Variants in RRM2B observed in about 807,000 individuals in gnomAD.
RRM2B encodes ribonucleotide reductase regulatory TP53 inducible subunit M2B.
RRM2B carries 20 observed loss-of-function variants against 45.9 expected under a neutral mutation model. The ratio of observed to expected loss-of-function variants is 0.44; its 90% confidence interval spans 0.31 to 0.63. The LOEUF is 0.63. RRM2B is among the 30% of genes least tolerant of loss of function. The probability of loss-of-function intolerance (pLI) is 0.09; values close to 1 mark genes in which losing one functional copy is unlikely to be tolerated. For synonymous variants in RRM2B, 124 were observed against 132.3 expected, an observed-to-expected ratio of 0.94 and a Z score of 0.43; for missense variants, 320 against 414.7, an observed-to-expected ratio of 0.77 and a Z score of 1.98.
chr8:102,205,556 ATT>A lies in RRM2B; in HGVS notation c.*2575_*2576del, dbSNP rs1369790245. ...GTCTTCTCAAGTCCTTCCTGGCCATATTTCTATGTGATACAATGAAACATTTT... is the reference window on the plus strand; with the variant it reads ...GTCTTCTCAAGTCCTTCCTGGCCATATCTATGTGATACAATGAAACATTTT... On this transcript the variant is annotated 3_prime_UTR_variant, in exon 9 of 9. Coordinates refer to ENST00000251810, the MANE Select transcript of RRM2B (RefSeq NM_015713.5). The A allele has an allele frequency of 6.6e-6, 1 of 152,168 alleles. No individual in the cohort carries two copies. Among genetic ancestry groups the A allele is most frequent in the East Asian group, 1.9e-4 (1 of 5,208 alleles). 9.4% of individuals were successfully genotyped at this position (152,168 alleles called of 1,614,324 possible). A position where few individuals can be genotyped will look rare whatever the true frequency, so the allele number is the denominator to read the frequency against.
At chr8:102,237,142 C>G (rs1811135207) in intron 1 of RRM2B, among the ~76,000 whole-genome samples, 1 of 152,216 alleles carries the variant, frequency 6.6e-6, no homozygotes, top group South Asian at 2.1e-4. Context: ...CTACTGAGTC[C>G]TGGGCATGCC....
At position 102,213,676 on chromosome 8, in the gene RRM2B, C is replaced by A. The variant is rs568874976; in HGVS notation, c.789+378G>T. Among the ~76,000 whole-genome samples the A allele has an allele frequency of 5.7e-4, 87 of 151,830 alleles. No individual in the cohort carries two copies. In the South Asian group the frequency reaches 5.8e-3, roughly 10 times the overall value. On this transcript the variant is annotated intron_variant, in intron 7 of 8. Transcript: ENST00000251810. ...ATTTGTGTATGCTTCAAGCTAGGTA[C>A]CTTGCTACGTTATTAAAAATACAAA...
At chr8:102,221,559 C>T (rs1320835986) in intron 5 of RRM2B, among the ~76,000 whole-genome samples, 1 of 152,156 alleles carries the variant, frequency 6.6e-6, no homozygotes, top group Non-Finnish European at 1.5e-5. Context: ...ATGCACTCTT[C>T]ACTCTTTCCT....
At chr8:102,225,228 CTTTTTT>C (rs918693739) in intron 3 of RRM2B, among the ~76,000 whole-genome samples, 2 of 87,510 alleles carry the variant, frequency 2.3e-5, no homozygotes, top group Admixed American at 2.9e-4. Flanking sequence ...ATAGTATATT[CTTTTTT>C]TTTTTTTTTT....
chr8:102,226,565 A>T lies in RRM2B; in HGVS notation c.205-531T>A, dbSNP rs536759063. ...AGGCACTGAAGTAAATAAACTAATG[A>T]ATCTCAACAGTCACTGCTTTAACAT... is the stretch of plus-strand genomic sequence containing the variant. On this transcript the variant is annotated intron_variant, in intron 2 of 8. Transcript: ENST00000251810. Among the ~76,000 whole-genome samples, 3 of 152,274 alleles carry T rather than the reference A, an allele frequency of 2.0e-5. No individual in the cohort carries two copies. In the South Asian group the frequency reaches 6.2e-4, roughly 32 times the overall value.
rs753541450 is a variant in RRM2B, at chr8:102,208,232, T to C, written c.957A>G (p.Gly319=). 7.5e-6 allele frequency: 12 copies of C among 1,601,520 alleles called. No individual in the cohort carries two copies. Among genetic ancestry groups the C allele is most frequent in the Non-Finnish European group, 1.0e-5 (12 of 1,169,156 alleles). ...FDFMENISLE[G]KTNFFEKRVS... is the part of the protein sequence containing the mutation. The stretch of plus-strand genomic sequence containing the variant: ...CTCGTTTCTCAAAGAAATTTGTTTT[T>C]CCTTCTAAAGAAATGTTTTCCATAA... Residue 319 remains glycine, a synonymous_variant, in exon 9 of 9, where the codon GGA becomes GGG. Transcript: ENST00000251810.
At chr8:102,220,437 T>C (rs28928587) in intron 5 of RRM2B, among the ~76,000 whole-genome samples, 1 of 152,298 alleles carries the variant, frequency 6.6e-6, no homozygotes, top group Non-Finnish European at 1.5e-5. Flanking sequence ...AAAATTGATA[T>C]TTTAATTTTT....
intron 8 of RRM2B, among the ~76,000 whole-genome samples, chr8:102,209,181 A>T (rs1042664838): frequency 2.0e-5 from 3 of 152,162 alleles, no homozygotes; most frequent in Non-Finnish European, 4.4e-5. Context: ...GCAGACTTGG[A>T]GATACAGCTT....
At chr8:102,223,618 C>T (rs1296293552) in intron 5 of RRM2B, among the ~76,000 whole-genome samples, 3 of 147,260 alleles carry the variant, frequency 2.0e-5, no homozygotes, top group Non-Finnish European at 4.4e-5. Context: ...ATTGCTTGAA[C>T]TTGGAAGGCA....
chr8:102,232,063 T>C, intron 2 of RRM2B, 86 bp downstream of exon 2: 1 of 1,181,602 alleles, frequency 8.5e-7, no homozygotes, highest in Non-Finnish European at 1.3e-6. Context: ...CTTCAATGTA[T>C]AAGTTAAAGT....
chr8:102,226,146 G>A, intron 2 of RRM2B, 112 bp from the exon 3 acceptor site: 3 of 711,072 alleles, frequency 4.2e-6, no homozygotes, highest in Non-Finnish European at 7.6e-6. Flanking sequence ...AGTAAACTAT[G>A]GAAAAAGAAA....
At chr8:102,215,346 G>C (rs1810711055) in intron 6 of RRM2B, among the ~76,000 whole-genome samples, 1 of 151,850 alleles carries the variant, frequency 6.6e-6, no homozygotes, top group South Asian at 2.1e-4. Flanking sequence ...GGAGGTCAAG[G>C]CTGCAGTGAG....
chr8:102,218,800 A>C lies in RRM2B; in HGVS notation c.684+14T>G. On this transcript the variant is annotated intron_variant, in intron 6 of 8. Coordinates refer to ENST00000251810, the MANE Select transcript of RRM2B (RefSeq NM_015713.5). The stretch of plus-strand genomic sequence containing the variant: ...TGAATACAAATATAACTAGAAAAAC[A>C]TTCCATTCCTTACTTCATCTCTGCT... The C allele has an allele frequency of 6.3e-7, 1 of 1,599,882 alleles. No individual in the cohort carries two copies. Among genetic ancestry groups the C allele is most frequent in the Non-Finnish European group, 8.6e-7 (1 of 1,167,402 alleles).
At position 102,208,950 on chromosome 8, in the gene RRM2B, G is replaced by C. The variant is rs1455026641; in HGVS notation, c.904-665C>G. On this transcript the variant is annotated intron_variant, in intron 8 of 8. Coordinates refer to ENST00000251810, the MANE Select transcript of RRM2B (RefSeq NM_015713.5). ...GGATCACCTGAAGTCAGGAGTTTGA[G>C]ACCAGCCTGACTGACATGGTGAAAC... Among the ~76,000 whole-genome samples the C allele has an allele frequency of 2.0e-5, 3 of 152,182 alleles. No individual in the cohort carries two copies. In the East Asian group the frequency reaches 5.8e-4, roughly 29 times the overall value.
At chr8:102,232,863 T>C (rs1811056019) in intron 1 of RRM2B, among the ~76,000 whole-genome samples, 1 of 152,228 alleles carries the variant, frequency 6.6e-6, no homozygotes, top group Non-Finnish European at 1.5e-5. Flanking sequence ...CTTCTGATAC[T>C]CCAATTTGTT....
At chr8:102,215,452 A>ATTAAGAAATC (rs1212461934) in intron 6 of RRM2B, among the ~76,000 whole-genome samples, 10 of 150,450 alleles carry the variant, frequency 6.6e-5, no homozygotes, top group Non-Finnish European at 1.2e-4. Context: ...AGGCTGAAAG[A>ATTAAGAAATC]TGTTAAAGTG....
chr8:102,234,281 T>C (rs1420462130), intron 1 of RRM2B, among the ~76,000 whole-genome samples: 1 of 152,238 alleles, frequency 6.6e-6, no homozygotes. Flanking sequence ...ATTCTCCTGT[T>C]CTATCCTGAT....
chr8:102,212,290 T>C (rs538342716), intron 8 of RRM2B, among the ~76,000 whole-genome samples: 25 of 152,286 alleles, frequency 1.6e-4, no homozygotes, highest in African/African-American at 5.8e-4. Flanking sequence ...ATGTCTTAAG[T>C]AATGGGAAAA....
intron 5 of RRM2B, among the ~76,000 whole-genome samples, chr8:102,222,856 T>G (rs1454085485): frequency 2.6e-5 from 4 of 152,138 alleles, no homozygotes; most frequent in Non-Finnish European, 5.9e-5. Flanking sequence ...TATATAAAAG[T>G]GTTATCTGTA....
Sources: allele counts gnomAD v4.1 joint callset (sites outside exome capture counted in the v4.1 genomes callset), GRCh38; gene constraint gnomAD v4.1.1; transcripts MANE v1.5; gene names NCBI Gene and HGNC (gene_info 2026-07-23, HGNC 2026-07-21).